The following NELL2 variants were observed in gnomAD, a reference collection of about 807,000 sequenced individuals.
NELL2 encodes protein kinase C-binding protein NELL2.
NELL2 carries 41 observed loss-of-function variants against 109.6 expected under a neutral mutation model. The ratio of observed to expected loss-of-function variants is 0.37; its 90% CI spans 0.29 to 0.49. NELL2 has a LOEUF of 0.49. Ranked by LOEUF, NELL2 falls within the 20% of genes least tolerant of loss-of-function variation. The pLI is 0.98. For synonymous variants in NELL2, 355 were observed against 344.7 expected (o/e 1.03, Z -0.33); for missense variants, 900 against 1,008.3 (o/e 0.89, Z 1.45).
chr12:44,876,565 T>C, upstream of NELL2: 1 of 1,490,872 alleles, frequency 6.7e-7, no homozygotes, highest in Non-Finnish European at 9.0e-7. Context: ...TTGAAAGCTC[T>C]AAATCCAAGG....
chr12:44,690,924 A>G (rs1476188357), intron 12 of NELL2, among the ~76,000 whole-genome samples: 1 of 152,220 alleles, frequency 6.6e-6, no homozygotes, highest in Non-Finnish European at 1.5e-5. Context: ...ACATACAGCT[A>G]TATCACTAAT....
chr12:44,815,542 T>C (rs969677518), intron 3 of NELL2, among the ~76,000 whole-genome samples: 2 of 152,274 alleles, frequency 1.3e-5, no homozygotes, highest in Admixed American at 6.5e-5. Flanking sequence ...CAGCTCCTTC[T>C]GCTTTTAGGC....
intron 15 of NELL2, among the ~76,000 whole-genome samples, chr12:44,539,769 AT>A (rs1274313427): frequency 6.6e-6 from 1 of 152,216 alleles, no homozygotes; most frequent in Non-Finnish European, 1.5e-5. Context: ...TCAAATGGCC[AT>A]AAATTGTTAT....
chr12:44,743,891 T>C (rs137937466), intron 9 of NELL2, among the ~76,000 whole-genome samples: 19,537 of 151,922 alleles, frequency 0.13, 1,467 homozygotes, highest in East Asian at 0.22. Context: ...GACAGATCAA[T>C]GAGACAGAAA....
At chr12:44,552,287 A>G (rs1270528494) in intron 15 of NELL2, among the ~76,000 whole-genome samples, 3 of 152,182 alleles carry the variant, frequency 2.0e-5, no homozygotes, top group Non-Finnish European at 4.4e-5. Context: ...ATTCTTCAAT[A>G]TTACGGAGGA....
intron 9 of NELL2, among the ~76,000 whole-genome samples, chr12:44,736,660 T>A (rs546787108): frequency 5.3e-5 from 8 of 152,300 alleles, no homozygotes; most frequent in Admixed American, 2.6e-4. Context: ...CCCAAATGTT[T>A]ACTATTGGAA....
chr12:44,730,825 T>C (rs117487784), intron 9 of NELL2, among the ~76,000 whole-genome samples: 2,604 of 151,984 alleles, frequency 0.017, 30 homozygotes, highest in Middle Eastern at 0.051. Flanking sequence ...AAATAAAACC[T>C]ACTAACATAA....
intron 13 of NELL2, among the ~76,000 whole-genome samples, chr12:44,665,273 TC>T (rs551174643): frequency 1.4e-3 from 216 of 152,294 alleles, no homozygotes; most frequent in Non-Finnish European, 2.4e-3. Flanking sequence ...ATTTTTATCT[TC>T]CAAATTGGAG....
intron 12 of NELL2, among the ~76,000 whole-genome samples, chr12:44,701,093 G>A (rs1056881239): frequency 5.3e-5 from 8 of 152,060 alleles, no homozygotes; most frequent in Middle Eastern, 6.8e-3. Context: ...ATGCAAAATT[G>A]CATTAAAAAT....
At chr12:44,537,957 G>A (rs866539435) in intron 15 of NELL2, among the ~76,000 whole-genome samples, 5 of 152,146 alleles carry the variant, frequency 3.3e-5, no homozygotes, top group South Asian at 2.1e-4. Flanking sequence ...TGCACAAGTT[G>A]CACCCAACAT....
intron 3 of NELL2, among the ~76,000 whole-genome samples, chr12:44,789,042 C>A (rs184011096): frequency 6.6e-6 from 1 of 152,082 alleles, no homozygotes. Flanking sequence ...GCCCTGCCCC[C>A]ACCTGATGGT....
intron 13 of NELL2, among the ~76,000 whole-genome samples, chr12:44,640,951 A>G (rs1946832957): frequency 6.6e-6 from 1 of 152,150 alleles, no homozygotes; most frequent in African/African-American, 2.4e-5. Flanking sequence ...TTTACTTTAT[A>G]AAGGGGAAAA....
chr12:44,627,670 G>T (rs1489212237), intron 13 of NELL2, among the ~76,000 whole-genome samples: 2 of 143,842 alleles, frequency 1.4e-5, no homozygotes, highest in Admixed American at 1.3e-4. Flanking sequence ...GGACATACTT[G>T]CCTGCAGATA....
intron 13 of NELL2, among the ~76,000 whole-genome samples, chr12:44,652,740 A>G (rs1947346782): frequency 1.3e-5 from 2 of 152,236 alleles, no homozygotes; most frequent in South Asian, 4.1e-4. Context: ...ATATTTATTT[A>G]AAGTTCCATA....
intron 2 of NELL2, among the ~76,000 whole-genome samples, chr12:44,846,800 C>T (rs1018706050): frequency 8.5e-5 from 13 of 152,162 alleles, no homozygotes; most frequent in East Asian, 7.7e-4. Flanking sequence ...TCCAAATGAT[C>T]TTTCAATTTC....
At chr12:44,566,566 C>CACACACACACACACACACACACAGAG (rs377368706) in intron 15 of NELL2, among the ~76,000 whole-genome samples, 1 of 138,422 alleles carries the variant, frequency 7.2e-6, no homozygotes. Context: ...CACACACACA[C>CACACACACACACACACACACACAGAG]AGAGTTTTAT....
chr12:44,722,694 A>C (rs191809428), intron 9 of NELL2, among the ~76,000 whole-genome samples: 43 of 152,330 alleles, frequency 2.8e-4, no homozygotes, highest in African/African-American at 9.6e-4. Flanking sequence ...AATCAGGAAA[A>C]GAGTACTCAT....
intron 2 of NELL2, among the ~76,000 whole-genome samples, chr12:44,819,010 G>A (rs186149495): frequency 0.01 from 1,565 of 152,036 alleles, 30 homozygotes; most frequent in East Asian, 0.049. Flanking sequence ...CCAAAGTGCT[G>A]GGATTACAGG....
At chr12:44,834,645 C>T (rs1299844027) in intron 2 of NELL2, among the ~76,000 whole-genome samples, 1 of 152,110 alleles carries the variant, frequency 6.6e-6, no homozygotes, top group African/African-American at 2.4e-5. Context: ...AGAGGTCAGG[C>T]CCCTGCCTGC....
Sources: gnomAD v4.1 joint callset for allele counts (sites outside exome capture counted in the v4.1 genomes callset) on GRCh38, gnomAD v4.1.1 for gene constraint, MANE v1.5 for transcripts, NCBI Gene and HGNC (gene_info 2026-07-23, HGNC 2026-07-21) for gene names.